NACC2: variants seen among roughly 807,000 people sequenced by gnomAD.
NACC2 encodes nucleus accumbens-associated protein 2.
In NACC2, 8 loss-of-function variants were observed where a neutral mutation model predicts 25.1. The ratio of observed to expected loss-of-function variants is 0.32; its 90% CI spans 0.19 to 0.57. The LOEUF is 0.57. NACC2 is among the 20% of genes least tolerant of loss of function. The probability of loss-of-function intolerance (pLI) is 0.89; values close to 1 mark genes in which losing one functional copy is unlikely to be tolerated. For synonymous variants in NACC2, 435 were observed against 294.7 expected, an observed-to-expected ratio of 1.48 and a Z score of -4.88; for missense variants, 644 against 650.2, an observed-to-expected ratio of 0.99 and a Z score of 0.10.
At chr9:136,094,629 G>A (rs1027600415) in intron 1 of NACC2, among the ~76,000 whole-genome samples, 1 of 152,138 alleles carries the variant, frequency 6.6e-6, no homozygotes, top group Non-Finnish European at 1.5e-5. Context: ...GGGCCCGAGT[G>A]GGGGAGGCGC....
intron 2 of NACC2, among the ~76,000 whole-genome samples, chr9:136,031,715 C>T (rs956453194): frequency 1.3e-5 from 2 of 152,212 alleles, no homozygotes; most frequent in African/African-American, 4.8e-5. Context: ...AGAGGGCAAT[C>T]TCTCTTGTGA....
rs987337744 is a variant in NACC2, at chr9:136,050,301, G to T, written c.221C>A (p.Pro74Gln). The change falls in exon 2 of 6, where the codon CCG becomes CAG. Residue 74 changes from proline (P) to glutamine (Q), a missense_variant. Pro to Gln is a moderately conservative substitution (Grantham distance 76). Transcript: ENST00000277554. ...KSAFELPGSV[P>Q]PACFQQILSF... is the part of the protein sequence containing the mutation. ...CAGGATCTGCTGGAAGCAGGCGGGC[G>T]GCACGGAGCCGGGCAGCTCGAAGGC... 5.2e-5 allele frequency: 39 copies of T among 747,104 alleles called. No homozygotes were observed. Among genetic ancestry groups the T allele is most frequent in the Non-Finnish European group, 8.4e-5 (34 of 405,472 alleles). The allele number at this position is 747,104 out of a possible 1,614,324, so 46.3% of individuals were successfully genotyped here.
chr9:136,091,823 G>A (rs544358549), intron 1 of NACC2, among the ~76,000 whole-genome samples: 1 of 142,060 alleles, frequency 7.0e-6, no homozygotes, highest in East Asian at 2.2e-4. Context: ...GTGAGAGCAA[G>A]GATTTGCTTA....
chr9:136,041,139 T>A (rs1290102964), intron 2 of NACC2, among the ~76,000 whole-genome samples: 4 of 103,034 alleles, frequency 3.9e-5, no homozygotes, highest in Non-Finnish European at 6.6e-5. Flanking sequence ...CAAGCATTCT[T>A]GGCTGGGCAC....
At chr9:136,042,671 GACACACAGACATAC>G (rs1331738906) in intron 2 of NACC2, among the ~76,000 whole-genome samples, 1 of 149,280 alleles carries the variant, frequency 6.7e-6, no homozygotes, top group African/African-American at 2.5e-5. Flanking sequence ...AACACACACA[GACACACAGACATAC>G]ACACACAGAC....
chr9:136,073,923 C>CT (rs1830227583), intron 1 of NACC2, among the ~76,000 whole-genome samples: 1 of 152,200 alleles, frequency 6.6e-6, no homozygotes, highest in African/African-American at 2.4e-5. Context: ...ATCCTTCCCT[C>CT]TGCCCTGAAA....
At chr9:136,043,469 C>T (rs1377479678) in intron 2 of NACC2, among the ~76,000 whole-genome samples, 1 of 152,244 alleles carries the variant, frequency 6.6e-6, no homozygotes, top group Non-Finnish European at 1.5e-5. Context: ...CCCCGGCTGC[C>T]GTAAGGCCGT....
chr9:136,083,332 G>A (rs1276592790), intron 1 of NACC2, among the ~76,000 whole-genome samples: 3 of 150,152 alleles, frequency 2.0e-5, no homozygotes, highest in East Asian at 2.0e-4. Context: ...AGGCAGCACC[G>A]CCCTCCCTTC....
Position 136,007,886 on chromosome 9 carries a change from C to G in NACC2, c.*3630G>C, listed in dbSNP as rs1352371177. On this transcript the variant is annotated 3_prime_UTR_variant, in exon 6 of 6. Transcript: ENST00000277554. Reference sequence around the variant, plus strand: ...TTTCAGCTGTCGAATGAGGACAGGTCAGGGTCAGGCACTAGAGCCCCCTCA... The same window carrying G: ...TTTCAGCTGTCGAATGAGGACAGGTGAGGGTCAGGCACTAGAGCCCCCTCA... The G allele has an allele frequency of 1.3e-5, 2 of 152,268 alleles. 1 individual carries two copies. Among genetic ancestry groups the G allele is most frequent in the East Asian group, 3.8e-4 (2 of 5,198 alleles). 9.4% of individuals were successfully genotyped at this position (152,268 alleles called of 1,614,324 possible).
At chr9:136,031,022 G>A (rs964765399) in intron 2 of NACC2, among the ~76,000 whole-genome samples, 1 of 152,074 alleles carries the variant, frequency 6.6e-6, no homozygotes, top group Non-Finnish European at 1.5e-5. Flanking sequence ...TACCAAACCT[G>A]ACACAAGAGG....
At chr9:136,092,623 G>T (rs1012907495) in intron 1 of NACC2, among the ~76,000 whole-genome samples, 4 of 152,222 alleles carry the variant, frequency 2.6e-5, no homozygotes, top group South Asian at 4.1e-4. Flanking sequence ...ACCACAATGG[G>T]AGGCTGGTCA....
At chr9:136,049,549 C>T (rs1564230632) in intron 2 of NACC2, 87 bp downstream of exon 2, 6 of 664,380 alleles carry the variant, frequency 9.0e-6, no homozygotes, top group South Asian at 3.3e-5. Context: ...CGCAGGCCTC[C>T]GGCCCAGTGG....
At chr9:136,056,852 T>C (rs1840931980) in intron 1 of NACC2, among the ~76,000 whole-genome samples, 1 of 152,240 alleles carries the variant, frequency 6.6e-6, no homozygotes, top group Admixed American at 6.5e-5. Context: ...AAGGAACATC[T>C]GCCTGGAAGC....
rs1213945339 is a variant in NACC2 at position 136,006,907 on chromosome 9, T to C, written c.*4609A>G. 3.9e-5 allele frequency: 6 copies of C among 152,532 alleles called. No homozygotes were observed. Among genetic ancestry groups the C allele is most frequent in the Non-Finnish European group, 7.3e-5 (5 of 68,202 alleles). The allele number at this position is 152,532 out of a possible 1,614,324, so 9.4% of individuals were successfully genotyped here. The stretch of plus-strand genomic sequence containing the variant: ...TTCCTTTACAGCACAGGAAAATTTA[T>C]TTTTTAACAGTCGTGAGTTACAGTA... On this transcript the variant is annotated 3_prime_UTR_variant, in exon 6 of 6. Transcript: ENST00000277554.
At chr9:136,062,638 G>T (rs138863603) in intron 1 of NACC2, among the ~76,000 whole-genome samples, 26 of 152,342 alleles carry the variant, frequency 1.7e-4, no homozygotes, top group Middle Eastern at 3.4e-3. Flanking sequence ...ATACAGGCTG[G>T]GCACAGTGGC....
intron 2 of NACC2, among the ~76,000 whole-genome samples, chr9:136,036,550 TAC>T: frequency 6.6e-6 from 1 of 152,110 alleles, no homozygotes. Context: ...CATATACATA[TAC>T]ATATATATAC....
intron 2 of NACC2, among the ~76,000 whole-genome samples, chr9:136,024,275 G>T (rs1351372349): frequency 2.3e-5 from 3 of 128,116 alleles, no homozygotes; most frequent in African/African-American, 9.8e-5. Context: ...GAGGGTGTGT[G>T]TGAGGACAGA....
intron 2 of NACC2, among the ~76,000 whole-genome samples, chr9:136,036,550 T>C (rs1840557641): frequency 6.6e-6 from 1 of 152,110 alleles, no homozygotes; most frequent in Non-Finnish European, 1.5e-5. Flanking sequence ...CATATACATA[T>C]ACATATATAT....
rs997020480 is a variant in NACC2 at position 136,086,081 on chromosome 9, G to C, written c.-60+9108C>G. 6.6e-5 allele frequency among the ~76,000 whole-genome samples: 10 copies of C among 152,234 alleles called. No homozygotes were observed. Among genetic ancestry groups the C allele is most frequent in the Non-Finnish European group, 1.0e-4 (7 of 68,034 alleles). ...CACGCAGGGCAGCTCCGACGGGCAG[G>C]AGCCGCCTCCAGGCCCTTCACCTCG... On this transcript the variant is annotated intron_variant, in intron 1 of 5. Coordinates refer to ENST00000277554, the MANE Select transcript of NACC2 (RefSeq NM_144653.5). The surrounding 1 kb of genome is among the most constrained non-coding windows in gnomAD (Gnocchi z 5.6).
Sources: gnomAD v4.1 joint callset for allele counts (sites outside exome capture counted in the v4.1 genomes callset) on GRCh38, gnomAD v4.1.1 for gene constraint, Gnocchi (gnomAD v3.1) non-coding constraint, MANE v1.5 for transcripts, NCBI Gene and HGNC (gene_info 2026-07-23, HGNC 2026-07-21) for gene names.